PYGB: variants seen among roughly 807,000 people sequenced by gnomAD.
The protein encoded by PYGB is glycogen phosphorylase, brain form.
A neutral mutation model predicts 94.3 loss-of-function variants in PYGB; 82 were observed. That is an observed-to-expected ratio of 0.87 (90% CI 0.73 to 1.04). PYGB has a LOEUF of 1.04. PYGB is among the 50% of genes least tolerant of loss of function. The probability of loss-of-function intolerance (pLI) is 0.00; values close to 1 mark genes in which losing one functional copy is unlikely to be tolerated. For missense variants in PYGB, 1,132 were observed against 1,158.2 expected (o/e 0.98, Z 0.33); for synonymous variants, 488 against 479.1 (o/e 1.02, Z -0.24).
intron 2 of PYGB, among the ~76,000 whole-genome samples, chr20:25,267,130 CATACAATGGA>C (rs1369672579): frequency 8.5e-5 from 13 of 152,120 alleles, no homozygotes; most frequent in African/African-American, 3.1e-4. Context: ...GTGGGCTAGC[CATACAATGGA>C]ATAGTACACA....
intron 1 of PYGB, among the ~76,000 whole-genome samples, chr20:25,255,877 G>A (rs547990179): frequency 6.6e-6 from 1 of 152,222 alleles, no homozygotes; most frequent in South Asian, 2.1e-4. Context: ...GGGATTACAG[G>A]TGTGCACCAC....
At chr20:25,266,252 A>AT (rs34204571) in intron 2 of PYGB, among the ~76,000 whole-genome samples, 88 of 149,316 alleles carry the variant, frequency 5.9e-4, no homozygotes, top group Middle Eastern at 7.0e-3. Flanking sequence ...AGATCAATTG[A>AT]TTTTTTTTTT....
At chr20:25,283,868 C>T (rs964117591) in intron 13 of PYGB, among the ~76,000 whole-genome samples, 11 of 152,140 alleles carry the variant, frequency 7.2e-5, no homozygotes, top group Non-Finnish European at 1.3e-4. Context: ...AGGCGTGCTC[C>T]TGGGCCGGCT....
chr20:25,253,096 A>G (rs578249915), intron 1 of PYGB, among the ~76,000 whole-genome samples: 9 of 152,350 alleles, frequency 5.9e-5, no homozygotes, highest in African/African-American at 2.2e-4. Flanking sequence ...CAGGAAGAAC[A>G]AATAAGTATA....
intron 1 of PYGB, among the ~76,000 whole-genome samples, chr20:25,252,346 A>G (rs571131023): frequency 1.3e-5 from 2 of 152,190 alleles, no homozygotes; most frequent in South Asian, 4.2e-4. Flanking sequence ...CTAGATAGTA[A>G]CGTGGATGTC....
chr20:25,279,238 C>T lies in PYGB; in HGVS notation c.1092+89C>T, dbSNP rs1312701325. On this transcript the variant is annotated intron_variant, in intron 9 of 19. Transcript: ENST00000216962. The stretch of plus-strand genomic sequence containing the variant: ...AAGGAGCTGAGCTGGGGGGCCTCTT[C>T]CCTGGCCTTGGGAGAGCTGTGTGGT... 1.2e-5 allele frequency: 17 copies of T among 1,367,560 alleles called. No individual in the cohort carries two copies. The East Asian group carries it at 1.7e-4, about 14-fold the overall frequency. 84.7% of individuals were successfully genotyped at this position (1,367,560 alleles called of 1,614,324 possible).
chr20:25,276,730 G>C lies in PYGB; in HGVS notation c.745G>C (p.Ala249Pro). Residue 249 changes from alanine to proline, a missense_variant, in exon 6 of 20, where the codon GCT (alanine) becomes CCT (proline). By Grantham distance (27) the Ala-to-Pro change is conservative (BLOSUM62 -1). Transcript: ENST00000216962. Reference sequence around the variant, plus strand: ...CACCATGCGGCTGTGGTCCGCCAAGGCTCCCAACGACTTCAAGCTGCAGGA... The same window carrying C: ...CACCATGCGGCTGTGGTCCGCCAAGCCTCCCAACGACTTCAAGCTGCAGGA... ...VNTMRLWSAK[A>P]PNDFKLQDFN... 6.2e-7 allele frequency: 1 copy of C among 1,613,992 alleles called. No individual in the cohort carries two copies. The highest frequency in any genetic ancestry group is 8.5e-7 in the Non-Finnish European group (1 of 1,179,910).
rs2500428 is a variant in PYGB, at chr20:25,294,420, G to C, written c.2312+128G>C. On this transcript the variant is annotated intron_variant, in intron 18 of 19. Coordinates refer to ENST00000216962, the MANE Select transcript of PYGB (RefSeq NM_002862.4). ...GCTTTCAGGACGTCTTCTCCACTGT[G>C]CCCATGAGACCTTACTGGGCAGAGC... 19,050 of 1,220,786 alleles carry C rather than the reference G, an allele frequency of 0.016. 1,780 individuals are homozygous for C. In the African/African-American group the frequency reaches 0.22, roughly 14 times the overall value. The allele number at this position is 1,220,786 out of a possible 1,614,324, so 75.6% of individuals were successfully genotyped here.
In PYGB at chr20:25,284,220, C is replaced by G. The variant is rs2123582278; in HGVS notation, c.1737C>G (p.Leu579=). ...TCCACGAGTACAAGCGGCAGCTGCTCAACTGCCTGCACGTCGTCACCCTGT... is the reference window on the plus strand; with the variant it reads ...TCCACGAGTACAAGCGGCAGCTGCTGAACTGCCTGCACGTCGTCACCCTGT... ...KRIHEYKRQL[L]NCLHVVTLYN... Residue 579 remains leucine (L), a synonymous_variant, in exon 14 of 20, where the codon CTC becomes CTG. Coordinates refer to ENST00000216962, the MANE Select transcript of PYGB (RefSeq NM_002862.4). 6.2e-7 allele frequency: 1 copy of G among 1,614,076 alleles called. No homozygotes were observed. The highest frequency in any genetic ancestry group is 8.5e-7 in the Non-Finnish European group (1 of 1,179,970).
Position 25,289,552 on chromosome 20 carries a change from G to A in PYGB, c.1828-929G>A, listed in dbSNP as rs1310714157. Among the ~76,000 whole-genome samples the A allele has an allele frequency of 2.0e-5, 3 of 152,220 alleles. No individual in the cohort carries two copies. In the East Asian group the frequency reaches 5.8e-4, roughly 29 times the overall value. Reference sequence around the variant, plus strand: ...TCCCAGTTACTTGGGAGGCTGAGTAGGAGGATCGATTGTCCTGGGTGATTG... The same window carrying A: ...TCCCAGTTACTTGGGAGGCTGAGTAAGAGGATCGATTGTCCTGGGTGATTG... On this transcript the variant is annotated intron_variant, in intron 15 of 19. Coordinates refer to ENST00000216962, the MANE Select transcript of PYGB (RefSeq NM_002862.4).
Position 25,284,386 on chromosome 20 carries a change from C to T in PYGB, c.1768+135C>T, listed in dbSNP as rs562498764. On this transcript the variant is annotated intron_variant, in intron 14 of 19. Transcript: ENST00000216962. ...ATAGGCGTGTGCATGTGTGATGTGG[C>T]ACGTTTATTTTAAGCAAAAGCCATG... 67 of 1,223,176 alleles carry T rather than the reference C, an allele frequency of 5.5e-5. 1 individual carries two copies. The South Asian group carries it at 7.8e-4, about 14-fold the overall frequency. The allele number at this position is 1,223,176 out of a possible 1,614,324, so 75.8% of individuals were successfully genotyped here. A position where few individuals can be genotyped will look rare whatever the true frequency, so the allele number is the denominator to read the frequency against.
intron 2 of PYGB, among the ~76,000 whole-genome samples, chr20:25,262,611 A>C (rs2092916064): frequency 6.6e-6 from 1 of 152,116 alleles, no homozygotes; most frequent in Non-Finnish European, 1.5e-5. Context: ...TGACAGGATC[A>C]AATTCACATA....
At chr20:25,294,613 G>A (rs192626400) in intron 18 of PYGB, 620 of 545,538 alleles carry the variant, frequency 1.1e-3, no homozygotes, top group Non-Finnish European at 1.7e-3. Context: ...TGTCCCAGCA[G>A]GCCAGTAGAG....
chr20:25,293,009 G>A (rs1417251611), intron 17 of PYGB, among the ~76,000 whole-genome samples: 6 of 152,148 alleles, frequency 3.9e-5, no homozygotes, highest in Admixed American at 1.3e-4. Context: ...GCGCTCTGCC[G>A]GGAGCACTCT....
In PYGB at chr20:25,276,632, C is replaced by T. The variant is rs200762574; in HGVS notation, c.661-14C>T. 58 of 1,610,494 alleles carry T rather than the reference C, an allele frequency of 3.6e-5. No homozygotes were observed. The South Asian group carries it at 3.7e-4, about 10-fold the overall frequency. On this transcript the variant is annotated splice_polypyrimidine_tract_variant and intron_variant, in intron 5 of 19. Transcript: ENST00000216962. ...CCTTGCCACTCCGTCCTGAGCAACCCGTTTTGTGGCCAGGTGGTGCTGGCC... is the reference window on the plus strand; with the variant it reads ...CCTTGCCACTCCGTCCTGAGCAACCTGTTTTGTGGCCAGGTGGTGCTGGCC...
intron 18 of PYGB, among the ~76,000 whole-genome samples, chr20:25,295,265 G>A (rs922734664): frequency 2.6e-5 from 4 of 152,262 alleles, no homozygotes; most frequent in Admixed American, 2.6e-4. Context: ...GGCGCCATGG[G>A]CTCTCCACTG....
In PYGB at chr20:25,297,201, A is replaced by C. The variant is rs1188117028; in HGVS notation, c.*679A>C. 6.6e-6 allele frequency: 1 copy of C among 152,438 alleles called. No homozygotes were observed. The highest frequency in any genetic ancestry group is 2.4e-5 in the African/African-American group (1 of 41,460). 9.4% of individuals were successfully genotyped at this position (152,438 alleles called of 1,614,324 possible). Reference sequence around the variant, plus strand: ...CCGGGATGACTGAGGGGGACACTGGAGTGGGTGCTTGTGTCTGCTGTCTCA... The same window carrying C: ...CCGGGATGACTGAGGGGGACACTGGCGTGGGTGCTTGTGTCTGCTGTCTCA... On this transcript the variant is annotated 3_prime_UTR_variant, in exon 20 of 20. Coordinates refer to ENST00000216962, the MANE Select transcript of PYGB (RefSeq NM_002862.4).
chr20:25,283,331 G>A, intron 13 of PYGB, 54 bp downstream of exon 13: 1 of 1,511,552 alleles, frequency 6.6e-7, no homozygotes, highest in Non-Finnish European at 9.1e-7. Context: ...AACCAGGCAG[G>A]TAGGCCCTGG....
chr20:25,288,396 T>C (rs199936394), intron 14 of PYGB, 29 bp from the exon 15 acceptor site: 1 of 1,613,896 alleles, frequency 6.2e-7, no homozygotes, highest in Non-Finnish European at 8.5e-7. Flanking sequence ...CGCGGTGCCT[T>C]GTGTGAGTCT....
Sources: allele counts gnomAD v4.1 joint callset (sites outside exome capture counted in the v4.1 genomes callset), GRCh38; gene constraint gnomAD v4.1.1; transcripts MANE v1.5; gene names NCBI Gene and HGNC (gene_info 2026-07-23, HGNC 2026-07-21).